Variants in FAM171A1 observed in about 807,000 individuals in gnomAD.
FAM171A1 encodes family with sequence similarity 171 member A1.
Under a neutral mutation model 74.9 loss-of-function variants are expected in FAM171A1, and 23 were observed. That is an observed-to-expected ratio of 0.31 (90% CI 0.22 to 0.44). FAM171A1 has a LOEUF of 0.44. Among genes scored for constraint, FAM171A1 ranks in the 20% least tolerant of loss-of-function variants. The probability of loss-of-function intolerance (pLI) is 1.00; values close to 1 mark genes in which losing one functional copy is unlikely to be tolerated. For synonymous variants in FAM171A1, 527 were observed against 505.7 expected, an observed-to-expected ratio of 1.04 and a Z score of -0.57; for missense variants, 1,162 against 1,159.2, an observed-to-expected ratio of 1.00 and a Z score of -0.03.
chr10:15,229,683 A>G lies in FAM171A1; in HGVS notation c.755-8623T>C, dbSNP rs369909468. On this transcript the variant is annotated intron_variant, in intron 5 of 7. Coordinates refer to ENST00000378116, the MANE Select transcript of FAM171A1 (RefSeq NM_001010924.2). Reference sequence around the variant, plus strand: ...CATTGTCACCCCCATCACCATCATCACCATCACCACCATCACCATCATCAT... The same window carrying G: ...CATTGTCACCCCCATCACCATCATCGCCATCACCACCATCACCATCATCAT... 2.4e-4 allele frequency among the ~76,000 whole-genome samples: 36 copies of G among 148,910 alleles called. No homozygotes were observed. The East Asian group carries it at 5.2e-3, about 22-fold the overall frequency.
intron 1 of FAM171A1, among the ~76,000 whole-genome samples, chr10:15,368,489 C>T (rs1455547350): frequency 6.6e-6 from 1 of 152,122 alleles, no homozygotes; most frequent in Non-Finnish European, 1.5e-5. Context: ...AATGCTTGTT[C>T]AAAGAATGAT....
At chr10:15,331,864 TATATGTGTGTGTATAC>T (rs767921246) in intron 1 of FAM171A1, among the ~76,000 whole-genome samples, 12,799 of 117,412 alleles carry the variant, frequency 0.11, 1,838 homozygotes, top group African/African-American at 0.28. Flanking sequence ...TGTGTGTATA[TATATGTGTGTGTATAC>T]ATATATATAT....
rs138055958 is a variant in FAM171A1 at position 15,358,351 on chromosome 10, A to G, written c.97+12605T>C. ...TACCAAATAAATACTGGTATTTCACACTTATTTCAGAGCAAAGAAAGCCCT... is the reference window on the plus strand; with the variant it reads ...TACCAAATAAATACTGGTATTTCACGCTTATTTCAGAGCAAAGAAAGCCCT... On this transcript the variant is annotated intron_variant, in intron 1 of 7. Transcript: ENST00000378116. Among the ~76,000 whole-genome samples, 3 of 152,340 alleles carry G rather than the reference A, an allele frequency of 2.0e-5. No individual in the cohort carries two copies. The East Asian group carries it at 5.8e-4, about 29-fold the overall frequency.
intron 4 of FAM171A1, among the ~76,000 whole-genome samples, chr10:15,252,148 C>G (rs764778087): frequency 6.6e-6 from 1 of 152,208 alleles, no homozygotes; most frequent in Non-Finnish European, 1.5e-5. Context: ...GGGAACACCA[C>G]GGAACATTCT....
intron 1 of FAM171A1, among the ~76,000 whole-genome samples, chr10:15,369,749 G>A (rs1836111560): frequency 6.6e-6 from 1 of 152,210 alleles, no homozygotes; most frequent in South Asian, 2.1e-4. Context: ...CAGGCACCCT[G>A]AGCATGTTAG....
intron 2 of FAM171A1, among the ~76,000 whole-genome samples, chr10:15,279,786 C>T (rs907681127): frequency 3.9e-5 from 6 of 152,094 alleles, no homozygotes; most frequent in South Asian, 2.1e-4. Flanking sequence ...GGCATGGTGG[C>T]GTGCACCTGC....
At chr10:15,327,344 T>G (rs953346548) in intron 1 of FAM171A1, among the ~76,000 whole-genome samples, 1 of 152,160 alleles carries the variant, frequency 6.6e-6, no homozygotes, top group African/African-American at 2.4e-5. Context: ...ACTATTATTA[T>G]TTCTATAAGA....
intron 5 of FAM171A1, among the ~76,000 whole-genome samples, chr10:15,245,545 T>A (rs916068455): frequency 1.3e-5 from 2 of 152,262 alleles, no homozygotes; most frequent in African/African-American, 4.8e-5. Context: ...TAGAGAATCC[T>A]AATACACTCA....
rs1288867723 is a variant in FAM171A1 at position 15,213,732 on chromosome 10, G to C, written c.1856C>G (p.Ser619Cys). ...TGGGAAGATCCCGGCATGGGGATTG[G>C]ACAGCTCAGCCTGTAGTCTTTCTAT... ...LEIERLQAEL[S>C]NPHAGIFPHP... The change falls in exon 8 of 8, where the codon TCC becomes TGC. Residue 619 changes from serine to cysteine, a missense_variant. Physicochemically the swap from Ser to Cys is moderately radical, Grantham distance 112. Coordinates refer to ENST00000378116, the MANE Select transcript of FAM171A1 (RefSeq NM_001010924.2). This position sits in a 1 kb window ranked among gnomAD's most constrained non-coding sequence, Gnocchi z 6.8. The C allele has an allele frequency of 1.9e-6, 3 of 1,613,458 alleles. No individual in the cohort carries two copies. In the South Asian group the frequency reaches 3.3e-5, roughly 18 times the overall value.
chr10:15,245,525 T>C (rs1229385017), intron 5 of FAM171A1, among the ~76,000 whole-genome samples: 2 of 152,246 alleles, frequency 1.3e-5, no homozygotes, highest in Non-Finnish European at 2.9e-5. Flanking sequence ...TCCTATTGGC[T>C]CTGTTTCTTT....
chr10:15,278,878 T>A (rs1834929849), intron 2 of FAM171A1, among the ~76,000 whole-genome samples: 1 of 152,156 alleles, frequency 6.6e-6, no homozygotes, highest in East Asian at 1.9e-4. Context: ...GTAGGTAAAC[T>A]ATTATCAGCG....
At chr10:15,331,847 A>G (rs59608339) in intron 1 of FAM171A1, among the ~76,000 whole-genome samples, 2,850 of 28,050 alleles carry the variant, frequency 0.1, 77 homozygotes, top group African/African-American at 0.15. Flanking sequence ...ATATGTGTGT[A>G]TATATATGTG....
rs1833962213 is a variant in FAM171A1 at position 15,215,999 on chromosome 10, C to A, written c.983G>T (p.Cys328Phe). 6.3e-7 allele frequency: 1 copy of A among 1,590,938 alleles called. No homozygotes were observed. The highest frequency in any genetic ancestry group is 1.4e-5 in the African/African-American group (1 of 73,582). ...LVLLCLLLYY[C>F]RRKCLKPRQH... ...TGCCAAAATGGTAACACTTTACCTG[C>A]AATAATATAAAAGGAGACACAGCAA... The change falls in exon 7 of 8, where the codon TGC (cysteine) becomes TTC (phenylalanine). Residue 328 changes from cysteine to phenylalanine, a missense_variant. Coordinates refer to ENST00000378116, the MANE Select transcript of FAM171A1 (RefSeq NM_001010924.2).
intron 1 of FAM171A1, among the ~76,000 whole-genome samples, chr10:15,299,121 G>A (rs45445395): frequency 0.14 from 21,759 of 152,102 alleles, 1,917 homozygotes; most frequent in Admixed American, 0.21. Context: ...GTTTCGCCAC[G>A]TTGGCCAGGC....
At chr10:15,268,235 A>G (rs1486503069) in intron 3 of FAM171A1, among the ~76,000 whole-genome samples, 1 of 152,184 alleles carries the variant, frequency 6.6e-6, no homozygotes, top group East Asian at 1.9e-4. Flanking sequence ...AAACCATTGA[A>G]GATCCAAGCA....
chr10:15,214,533 T>C lies in FAM171A1; in HGVS notation c.1055A>G (p.Lys352Arg), dbSNP rs1251219905. 6.2e-7 allele frequency: 1 copy of C among 1,614,190 alleles called. No homozygotes were observed. The highest frequency in any genetic ancestry group is 1.7e-5 in the Admixed American group (1 of 60,022). Reference sequence around the variant, plus strand: ...TGACATGGACGTGGACTGGTCTCTTTTGGAACTCTCCAGTCCTGCAGGGAG... The same window carrying C: ...TGACATGGACGTGGACTGGTCTCTTCTGGAACTCTCCAGTCCTGCAGGGAG... ...LQLPAGLESS[K>R]RDQSTSMSHI... Residue 352 changes from lysine (K) to arginine (R), a missense_variant, in exon 8 of 8, where the codon AAA becomes AGA. By Grantham distance (26) the Lys-to-Arg change is conservative. Transcript: ENST00000378116.
At chr10:15,337,040 G>C (rs928373605) in intron 1 of FAM171A1, among the ~76,000 whole-genome samples, 3 of 149,544 alleles carry the variant, frequency 2.0e-5, no homozygotes, top group Non-Finnish European at 4.4e-5. Flanking sequence ...GACTACAGTT[G>C]GCTATTTTTT....
intron 5 of FAM171A1, among the ~76,000 whole-genome samples, chr10:15,229,944 A>G (rs1834183189): frequency 6.6e-6 from 1 of 151,790 alleles, no homozygotes; most frequent in Non-Finnish European, 1.5e-5. Flanking sequence ...CACCATCACC[A>G]TCATCACCAT....
chr10:15,335,276 CA>C (rs1046540990), intron 1 of FAM171A1, among the ~76,000 whole-genome samples: 4 of 152,042 alleles, frequency 2.6e-5, no homozygotes, highest in African/African-American at 9.7e-5. Context: ...AACAAACAAA[CA>C]AACCCAAAAA....
Sources: allele counts gnomAD v4.1 joint callset (sites outside exome capture counted in the v4.1 genomes callset), GRCh38; gene constraint gnomAD v4.1.1; non-coding constraint Gnocchi (gnomAD v3.1); transcripts MANE v1.5; gene names NCBI Gene and HGNC (gene_info 2026-07-23, HGNC 2026-07-21).